SOX6: variants seen among roughly 807,000 people sequenced by gnomAD.
The protein encoded by SOX6 is transcription factor SOX-6.
In SOX6, 11 loss-of-function variants were observed where a neutral mutation model predicts 97.8. The ratio of observed to expected loss-of-function variants is 0.11; its 90% CI spans 0.07 to 0.19. SOX6 has a LOEUF of 0.19. SOX6 is among the 10% of genes least tolerant of loss of function. The pLI is 1.00. For synonymous variants in SOX6, 360 were observed against 371.4 expected, an observed-to-expected ratio of 0.97 and a Z score of 0.35; for missense variants, 810 against 1,039.5, an observed-to-expected ratio of 0.78 and a Z score of 3.04.
intron 9 of SOX6, among the ~76,000 whole-genome samples, chr11:16,087,345 C>T (rs900279557): frequency 2.0e-5 from 3 of 152,002 alleles, no homozygotes; most frequent in Non-Finnish European, 4.4e-5. Flanking sequence ...ATCCAATTTA[C>T]ACATCAATTA....
At chr11:16,638,228 C>T (rs1380541421) in intron 3 of SOX6, among the ~76,000 whole-genome samples, 8 of 152,090 alleles carry the variant, frequency 5.3e-5, no homozygotes, top group Admixed American at 6.5e-5. Flanking sequence ...CTACAAAGGA[C>T]ATGAACTCAT....
chr11:16,595,354 A>T (rs933045320), intron 4 of SOX6, among the ~76,000 whole-genome samples: 1 of 152,160 alleles, frequency 6.6e-6, no homozygotes, highest in Non-Finnish European at 1.5e-5. Flanking sequence ...TAAGCTGCAA[A>T]ACTCAGTAAG....
At chr11:16,319,483 G>A (rs977189046) in intron 2 of SOX6, among the ~76,000 whole-genome samples, 1 of 151,846 alleles carries the variant, frequency 6.6e-6, no homozygotes, top group Non-Finnish European at 1.5e-5. Flanking sequence ...CATTTACATT[G>A]GGTATATCTC....
chr11:16,249,316 G>T (rs910930885), intron 3 of SOX6, among the ~76,000 whole-genome samples: 1 of 152,126 alleles, frequency 6.6e-6, no homozygotes, highest in Admixed American at 6.6e-5. Flanking sequence ...CAAGTTGAAA[G>T]TTCCACAAAT....
At chr11:15,993,568 G>A (rs1854123432) in intron 13 of SOX6, among the ~76,000 whole-genome samples, 1 of 152,160 alleles carries the variant, frequency 6.6e-6, no homozygotes, top group Non-Finnish European at 1.5e-5. Context: ...GAAAGGCCAA[G>A]AGATCAACAG....
intron 7 of SOX6, among the ~76,000 whole-genome samples, chr11:16,108,593 T>C (rs1849155106): frequency 6.6e-6 from 1 of 152,224 alleles, no homozygotes; most frequent in Non-Finnish European, 1.5e-5. Context: ...GATCTGATGA[T>C]GAGTTCCTAT....
chr11:16,423,132 C>T (rs1859053083), intron 1 of SOX6, among the ~76,000 whole-genome samples: 3 of 152,170 alleles, frequency 2.0e-5, no homozygotes, highest in Admixed American at 2.0e-4. Context: ...TCCAAATTCC[C>T]TTTTATTCAC....
At chr11:16,192,331 T>C (rs1415990548) in intron 4 of SOX6, among the ~76,000 whole-genome samples, 1 of 152,204 alleles carries the variant, frequency 6.6e-6, no homozygotes, top group Non-Finnish European at 1.5e-5. Flanking sequence ...ACCTTTAAAA[T>C]TGACACATTT....
upstream of SOX6, among the ~76,000 whole-genome samples, chr11:16,480,276 T>C (rs920094615): frequency 6.6e-6 from 1 of 152,156 alleles, no homozygotes; most frequent in Non-Finnish European, 1.5e-5. Context: ...GCATGTCTAA[T>C]GTATGCCAAA....
chr11:16,055,713 T>C (rs777733790), intron 10 of SOX6, 39 bp downstream of exon 10: 22 of 1,613,176 alleles, frequency 1.4e-5, no homozygotes, highest in Non-Finnish European at 1.9e-5. Flanking sequence ...GTGAAACTTT[T>C]TTCTAAACTG....
chr11:16,296,810 A>G (rs576236503), intron 3 of SOX6, among the ~76,000 whole-genome samples: 1 of 152,182 alleles, frequency 6.6e-6, no homozygotes, highest in South Asian at 2.1e-4. Context: ...AAACCTTAGA[A>G]GTTAGGTCTA....
At chr11:16,251,266 C>A (rs1024016158) in intron 3 of SOX6, among the ~76,000 whole-genome samples, 2 of 151,862 alleles carry the variant, frequency 1.3e-5, no homozygotes, top group Admixed American at 6.6e-5. Flanking sequence ...TAAGGAAATA[C>A]CAGAGAGCAT....
chr11:16,068,908 C>A (rs16924860), intron 9 of SOX6, among the ~76,000 whole-genome samples: 3,947 of 152,160 alleles, frequency 0.026, 167 homozygotes, highest in African/African-American at 0.09. Context: ...TAGGGGAAAC[C>A]CTGAGGCTTA....
chr11:15,984,865 C>A (rs1255058707), intron 15 of SOX6, among the ~76,000 whole-genome samples: 2 of 152,144 alleles, frequency 1.3e-5, no homozygotes, highest in Non-Finnish European at 2.9e-5. Flanking sequence ...TAGAGTTCAC[C>A]TTTATTGATA....
At chr11:16,529,074 G>A (rs1195946545) in intron 4 of SOX6, among the ~76,000 whole-genome samples, 2 of 151,952 alleles carry the variant, frequency 1.3e-5, no homozygotes. Flanking sequence ...TTCAGACCAC[G>A]ATATGTCTGC....
intron 6 of SOX6, among the ~76,000 whole-genome samples, chr11:16,173,384 C>A (rs1851093372): frequency 6.6e-6 from 1 of 151,730 alleles, no homozygotes; most frequent in Admixed American, 6.6e-5. Flanking sequence ...AAGAAGTAAC[C>A]TAAGCTCTAT....
intron 3 of SOX6, among the ~76,000 whole-genome samples, chr11:16,645,007 C>T (rs558862078): frequency 7.2e-5 from 11 of 152,284 alleles, no homozygotes; most frequent in South Asian, 6.2e-4. Flanking sequence ...CTTTTAATTA[C>T]GTCTTTTCCC....
At chr11:16,591,475 G>A (rs1439173515) in intron 4 of SOX6, among the ~76,000 whole-genome samples, 2 of 151,986 alleles carry the variant, frequency 1.3e-5, no homozygotes, top group South Asian at 2.1e-4. Context: ...CAAATGAGAA[G>A]GTGAATGCTT....
intron 10 of SOX6, among the ~76,000 whole-genome samples, chr11:16,053,965 T>C (rs1847749753): frequency 6.6e-6 from 1 of 152,160 alleles, no homozygotes; most frequent in Non-Finnish European, 1.5e-5. Context: ...TTTACCCATA[T>C]ATACAATAAA....
Sources: allele counts gnomAD v4.1 joint callset (sites outside exome capture counted in the v4.1 genomes callset), GRCh38; gene constraint gnomAD v4.1.1; transcripts MANE v1.5; gene names NCBI Gene and HGNC (gene_info 2026-07-23, HGNC 2026-07-21).